Variants in CACNG7 observed in about 807,000 individuals in gnomAD.
The protein encoded by CACNG7 is calcium voltage-gated channel auxiliary subunit gamma 7, also known as voltage-dependent calcium channel gamma-7 subunit.
A neutral mutation model predicts 26.3 loss-of-function variants in CACNG7; 9 were observed. The ratio of observed to expected loss-of-function variants is 0.34; its 90% confidence interval spans 0.21 to 0.60. CACNG7 has a LOEUF of 0.60. CACNG7 is among the 20% of genes least tolerant of loss of function. The probability of loss-of-function intolerance (pLI) is 0.81; values close to 1 mark genes in which losing one functional copy is unlikely to be tolerated. For missense variants in CACNG7, 297 were observed against 380.4 expected, an observed-to-expected ratio of 0.78 and a Z score of 1.82; for synonymous variants, 170 against 157.0, an observed-to-expected ratio of 1.08 and a Z score of -0.62.
chr19:53,924,056 G>A, intron 4 of CACNG7, among the ~76,000 whole-genome samples: 1 of 141,772 alleles, frequency 7.1e-6, no homozygotes, highest in Non-Finnish European at 1.5e-5. Flanking sequence ...GGTCATTGGT[G>A]GAGTTGTCCC....
chr19:53,913,797 A>AAG (rs2068875697), intron 2 of CACNG7, among the ~76,000 whole-genome samples: 1 of 150,830 alleles, frequency 6.6e-6, no homozygotes, highest in African/African-American at 2.5e-5. Flanking sequence ...AAAAAAAAAA[A>AAG]AAAAAAAAAA....
intron 4 of CACNG7, among the ~76,000 whole-genome samples, chr19:53,918,778 AT>A (rs1423664803): frequency 6.6e-6 from 1 of 152,088 alleles, no homozygotes; most frequent in Non-Finnish European, 1.5e-5. Flanking sequence ...TTTATTTTTT[AT>A]TTTTTTGAGA....
At chr19:53,924,480 T>TCTGGTATTGGTGGAGTTGTCCCCAGGC (rs2069004674) in intron 4 of CACNG7, among the ~76,000 whole-genome samples, 1 of 140,606 alleles carries the variant, frequency 7.1e-6, no homozygotes, top group Non-Finnish European at 1.5e-5. Flanking sequence ...TTGTCCGAGG[T>TCTGGTATTGGTGGAGTTGTCCCCAGGC]CTGGTATTGG....
Position 53,930,257 on chromosome 19 carries a change from G to A in CACNG7, c.425-11213G>A, listed in dbSNP as rs1486363828. Among the ~76,000 whole-genome samples the A allele has an allele frequency of 3.3e-5, 5 of 150,720 alleles. No homozygotes were observed. In the East Asian group the frequency reaches 9.8e-4, roughly 29 times the overall value. On this transcript the variant is annotated intron_variant, in intron 4 of 5. Coordinates refer to ENST00000391767, the MANE Select transcript of CACNG7 (RefSeq NM_031896.5). The stretch of plus-strand genomic sequence containing the variant: ...AGAGTCTCACTCTGTCACCCAGGCT[G>A]GAGTGCAATGGTGCCATCTCTGCTC...
intron 4 of CACNG7, among the ~76,000 whole-genome samples, chr19:53,935,116 CA>C (rs1329256754): frequency 1.3e-5 from 2 of 151,790 alleles, no homozygotes; most frequent in East Asian, 3.9e-4. Context: ...TATGTGTGCA[CA>C]AAAAATATAT....
intron 4 of CACNG7, among the ~76,000 whole-genome samples, chr19:53,928,116 A>AG (rs1568780120): frequency 1.3e-5 from 2 of 152,164 alleles, no homozygotes; most frequent in Non-Finnish European, 1.5e-5. Context: ...TTGGAGAACC[A>AG]GGGCTAATGC....
chr19:53,921,276 G>A (rs1232154976), intron 4 of CACNG7, among the ~76,000 whole-genome samples: 3 of 136,346 alleles, frequency 2.2e-5, no homozygotes, highest in African/African-American at 3.2e-5. Context: ...CTGGTCATTG[G>A]TGGAGTTGCC....
intron 4 of CACNG7, among the ~76,000 whole-genome samples, chr19:53,929,118 AAAAC>A (rs568117872): frequency 0.3 from 34,641 of 115,904 alleles, 5,378 homozygotes; most frequent in South Asian, 0.44. Context: ...CCTCAAAAAA[AAAAC>A]AAAAAAAAAA....
rs1387204334 is a variant in CACNG7 at position 53,914,598 on chromosome 19, TG to T, written c.283+17del. 1 of 1,610,646 alleles carries T rather than the reference TG, an allele frequency of 6.2e-7. No individual in the cohort carries two copies. Among genetic ancestry groups the T allele is most frequent in the Non-Finnish European group, 8.5e-7 (1 of 1,177,056 alleles). On this transcript the variant is annotated intron_variant, in intron 3 of 5. Coordinates refer to ENST00000391767, the MANE Select transcript of CACNG7 (RefSeq NM_031896.5). ...GGAGAATATTCTGAGTGAGGGGATG[TG>T]GGGGCACCTAGGCACAAGACAGCAA...
intron 4 of CACNG7, among the ~76,000 whole-genome samples, chr19:53,917,520 C>T (rs2068906284): frequency 6.6e-6 from 1 of 152,182 alleles, no homozygotes; most frequent in Non-Finnish European, 1.5e-5. Context: ...TTGGTGCAAC[C>T]TCCCCCATGC....
intron 4 of CACNG7, among the ~76,000 whole-genome samples, chr19:53,919,781 T>A (rs1418752202): frequency 7.1e-6 from 1 of 141,348 alleles, no homozygotes; most frequent in Non-Finnish European, 1.5e-5. Context: ...AGGCTGGTCA[T>A]TGGTGGACTT....
At chr19:53,932,260 A>AG (rs1261139112) in intron 4 of CACNG7, among the ~76,000 whole-genome samples, 2,531 of 150,240 alleles carry the variant, frequency 0.017, 75 homozygotes, top group African/African-American at 0.058. Flanking sequence ...TCTAAAAAAA[A>AG]AAAAAAAAAA....
intron 4 of CACNG7, among the ~76,000 whole-genome samples, chr19:53,928,275 ATTTATTTAC>A (rs897093884): frequency 3.1e-4 from 47 of 151,762 alleles, no homozygotes; most frequent in African/African-American, 1.1e-3. Flanking sequence ...TTATTTATTT[ATTTATTTAC>A]TTATTGAGGC....
chr19:53,916,385 C>A (rs1208912753), intron 4 of CACNG7, among the ~76,000 whole-genome samples: 5 of 82,824 alleles, frequency 6.0e-5, no homozygotes, highest in Non-Finnish European at 2.0e-5. Context: ...CCATAAGTAC[C>A]AAGGCCCAGA....
At position 53,912,553 on chromosome 19, in the gene CACNG7, G is replaced by A. The variant is rs1363609661; in HGVS notation, c.-29-250G>A. Among the ~76,000 whole-genome samples, 1 of 152,190 alleles carries A rather than the reference G, an allele frequency of 6.6e-6. No individual in the cohort carries two copies. Among genetic ancestry groups the A allele is most frequent in the Non-Finnish European group, 1.5e-5 (1 of 68,036 alleles). On this transcript the variant is annotated intron_variant, in intron 1 of 5. Coordinates refer to ENST00000391767, the MANE Select transcript of CACNG7 (RefSeq NM_031896.5). The surrounding 1 kb of genome is among the most constrained non-coding windows in gnomAD (Gnocchi z 4.6). ...ATTAGAAATCTAATTCTGGGGTTGG[G>A]GATCTGGATCTGGAGCTAGACCACA...
At chr19:53,933,334 T>C (rs1259631742) in intron 4 of CACNG7, among the ~76,000 whole-genome samples, 8 of 141,038 alleles carry the variant, frequency 5.7e-5, no homozygotes, top group Non-Finnish European at 1.1e-4. Flanking sequence ...GGACTCTCGC[T>C]CTGTCACCAG....
intron 2 of CACNG7, among the ~76,000 whole-genome samples, chr19:53,913,286 C>T (rs578184399): frequency 6.6e-6 from 1 of 151,720 alleles, no homozygotes; most frequent in Non-Finnish European, 1.5e-5. Flanking sequence ...TAGAACTTGT[C>T]CCCTGCACAA....
At position 53,939,892 on chromosome 19, in the gene CACNG7, T is replaced by C. The variant is rs1035803889; in HGVS notation, c.425-1578T>C. Among the ~76,000 whole-genome samples the C allele has an allele frequency of 4.7e-4, 72 of 152,160 alleles. No individual in the cohort carries two copies. The highest frequency in any genetic ancestry group is 1.7e-3 in the African/African-American group (69 of 41,414). On this transcript the variant is annotated intron_variant, in intron 4 of 5. Transcript: ENST00000391767. The surrounding 1 kb of genome is among the most constrained non-coding windows in gnomAD (Gnocchi z 4.2). ...CTTTTTATGTGCCACAAAATACCAG[T>C]CTTGTTTTGATTTTTAACATCATTT...
intron 4 of CACNG7, among the ~76,000 whole-genome samples, chr19:53,917,057 C>T (rs575873145): frequency 7.9e-5 from 12 of 152,202 alleles, no homozygotes; most frequent in East Asian, 7.8e-4. Flanking sequence ...CTTAGCCTCC[C>T]GAAGTGCTGG....
Sources: allele counts gnomAD v4.1 joint callset (sites outside exome capture counted in the v4.1 genomes callset), GRCh38; gene constraint gnomAD v4.1.1; non-coding constraint Gnocchi (gnomAD v3.1); transcripts MANE v1.5; gene names NCBI Gene and HGNC (gene_info 2026-07-23, HGNC 2026-07-21).